UBE2J2: variants seen among roughly 807,000 people sequenced by gnomAD.
UBE2J2 encodes the protein ubiquitin-conjugating enzyme E2 J2.
Under a neutral mutation model 28.6 loss-of-function variants are expected in UBE2J2, and 5 were observed. The ratio of observed to expected loss-of-function variants is 0.17; its 90% CI spans 0.09 to 0.37. UBE2J2 has a LOEUF of 0.37. Ranked by LOEUF, UBE2J2 falls within the 10% of genes least tolerant of loss-of-function variation. The pLI, the probability that UBE2J2 is intolerant of heterozygous loss-of-function variation, is 1.00. For synonymous variants in UBE2J2, 138 were observed against 139.7 expected (o/e 0.99, Z 0.09); for missense variants, 226 against 338.9 (o/e 0.67, Z 2.62).
intron 3 of UBE2J2, among the ~76,000 whole-genome samples, chr1:1,258,444 C>A (rs1639339640): frequency 6.6e-6 from 1 of 152,078 alleles, no homozygotes; most frequent in Admixed American, 6.5e-5. Flanking sequence ...CACTCCCCAC[C>A]CCCTCTTCCC....
Position 1,267,884 on chromosome 1 carries a change from G to A in UBE2J2, c.109C>T (p.Leu37Phe), listed in dbSNP as rs1395665257. The A allele has an allele frequency of 6.2e-7, 1 of 1,614,104 alleles. No homozygotes were observed. Among genetic ancestry groups the A allele is most frequent in the Non-Finnish European group, 8.5e-7 (1 of 1,179,968 alleles). The change falls in exon 2 of 7, where the codon CTC becomes TTC. Residue 37 changes from leucine to phenylalanine, a missense_variant. Physicochemically the swap from Leu to Phe is conservative, Grantham distance 22 (BLOSUM62 0). Around this residue, in one of 3 missense-constraint regions of UBE2J2, gnomAD observed 80 missense variants for 114.5 expected, o/e 0.70. Transcript: ENST00000349431. ...DPVPYICAEPLPSNILEWHYV... is the reference protein window; with the variant it reads ...DPVPYICAEPFPSNILEWHYV... ...TACCACTCGAGAATATTCGAAGGGA[G>A]GGGCTCGGCACAGATGTAAGGCACC... is the stretch of plus-strand genomic sequence containing the variant.
chr1:1,259,738 C>T (rs1639443868), intron 3 of UBE2J2, among the ~76,000 whole-genome samples: 1 of 152,198 alleles, frequency 6.6e-6, no homozygotes, highest in Non-Finnish European at 1.5e-5. Context: ...GACCCCACGC[C>T]CCACATGGAC....
intron 2 of UBE2J2, among the ~76,000 whole-genome samples, chr1:1,266,684 G>A (rs1322812454): frequency 6.6e-5 from 10 of 151,344 alleles, no homozygotes; most frequent in Admixed American, 2.6e-4. Context: ...AAAATTAGCC[G>A]GGCATGGTGG....
chr1:1,263,397 G>A lies in UBE2J2; in HGVS notation c.132-11C>T, dbSNP rs1639673400. On this transcript the variant is annotated splice_polypyrimidine_tract_variant and intron_variant, in intron 2 of 6. Coordinates refer to ENST00000349431, the MANE Select transcript of UBE2J2 (RefSeq NM_058167.3). ...CGGACGACATAGTGCCTAAGGGAGA[G>A]AAGAAAATTACTTGGGATTTGAGGA... is the stretch of plus-strand genomic sequence containing the variant. The A allele has an allele frequency of 5.0e-6, 8 of 1,611,936 alleles. No homozygotes were observed. The highest frequency in any genetic ancestry group is 2.7e-5 in the African/African-American group (2 of 74,940).
chr1:1,265,780 G>C (rs1319409120), intron 2 of UBE2J2, among the ~76,000 whole-genome samples: 1 of 151,972 alleles, frequency 6.6e-6, no homozygotes, highest in African/African-American at 2.4e-5. Context: ...GATTACAGGC[G>C]TGCGCCACCA....
rs1488725862 is a variant in UBE2J2 at position 1,259,126 on chromosome 1, C to T, written c.173-1816G>A. On this transcript the variant is annotated intron_variant, in intron 3 of 6. Coordinates refer to ENST00000349431, the MANE Select transcript of UBE2J2 (RefSeq NM_058167.3). ...TGTGTGTGCATGCCATCAGGACGCACGTGTGTGCATGCCATCAGGACGCGT... is the reference window on the plus strand; with the variant it reads ...TGTGTGTGCATGCCATCAGGACGCATGTGTGTGCATGCCATCAGGACGCGT... Among the ~76,000 whole-genome samples, 5 of 125,764 alleles carry T rather than the reference C, an allele frequency of 4.0e-5. No individual in the cohort carries two copies. The East Asian group carries it at 6.6e-4, about 17-fold the overall frequency. The allele number at this position is 125,764 out of a possible 152,430, so 82.5% of individuals were successfully genotyped here.
In UBE2J2 at chr1:1,260,964, G is replaced by A. The variant is rs939299703; in HGVS notation, c.172+2382C>T. On this transcript the variant is annotated intron_variant, in intron 3 of 6. Coordinates refer to ENST00000349431, the MANE Select transcript of UBE2J2 (RefSeq NM_058167.3). ...AGCTCTGAACTGTCAGAGTGGGCACGCCTGGGCAGCACCAGGGGCAGAACA... is the reference window on the plus strand; with the variant it reads ...AGCTCTGAACTGTCAGAGTGGGCACACCTGGGCAGCACCAGGGGCAGAACA... 3.3e-5 allele frequency among the ~76,000 whole-genome samples: 5 copies of A among 152,358 alleles called. No individual in the cohort carries two copies. The South Asian group carries it at 8.3e-4, about 25-fold the overall frequency.
At chr1:1,262,363 A>T (rs750185234) in intron 3 of UBE2J2, 1 of 455,982 alleles carries the variant, frequency 2.2e-6, no homozygotes, top group South Asian at 1.5e-5. Context: ...TGGCTGCCCT[A>T]GTTGCAGATG....
intron 2 of UBE2J2, among the ~76,000 whole-genome samples, chr1:1,263,975 A>G (rs1040553793): frequency 6.6e-6 from 1 of 152,232 alleles, no homozygotes; most frequent in Admixed American, 6.5e-5. Flanking sequence ...TGGGCAACAG[A>G]GTGAGACCCT....
Position 1,257,255 on chromosome 1 carries a change from G to A in UBE2J2, c.228C>T (p.Pro76=), listed in dbSNP as rs760884196. The A allele has an allele frequency of 2.5e-6, 4 of 1,613,100 alleles. No individual in the cohort carries two copies. Among genetic ancestry groups the A allele is most frequent in the Non-Finnish European group, 2.5e-6 (3 of 1,179,682 alleles). ...CGTTGGGAGTGATCATATAGATACT[G>A]GGAGGTTTGAAAGGAAATTCTCTGG... ...IFPREFPFKP[P]SIYMITPNGR... Residue 76 remains proline (P), a synonymous_variant, in exon 4 of 7, where the codon CCC becomes CCT. Coordinates refer to ENST00000349431, the MANE Select transcript of UBE2J2 (RefSeq NM_058167.3).
intron 3 of UBE2J2, among the ~76,000 whole-genome samples, chr1:1,259,367 C>T (rs868432773): frequency 5.9e-5 from 9 of 151,880 alleles, no homozygotes; most frequent in Non-Finnish European, 1.0e-4. Flanking sequence ...CACGTGCATG[C>T]GTGTGTATGC....
intron 3 of UBE2J2, among the ~76,000 whole-genome samples, chr1:1,258,398 C>A (rs992842426): frequency 1.5e-4 from 23 of 152,166 alleles, no homozygotes; most frequent in African/African-American, 5.6e-4. Flanking sequence ...ACTCCTGGCT[C>A]CGCCTCTCCA....
chr1:1,260,016 C>T (rs1386297897), intron 3 of UBE2J2, among the ~76,000 whole-genome samples: 1 of 152,166 alleles, frequency 6.6e-6, no homozygotes, highest in Non-Finnish European at 1.5e-5. Context: ...TAAATGAAAA[C>T]ACGGCTTCAC....
At chr1:1,271,358 T>C (rs1002192402) in intron 1 of UBE2J2, among the ~76,000 whole-genome samples, 13 of 152,238 alleles carry the variant, frequency 8.5e-5, no homozygotes, top group Non-Finnish European at 1.8e-4. Flanking sequence ...CACTCTGCCA[T>C]ATACAAAATA....
At position 1,257,094 on chromosome 1, in the gene UBE2J2, C is replaced by G. The variant is rs759104721; in HGVS notation, c.312G>C (p.Thr104=). 1.2e-6 allele frequency: 2 copies of G among 1,612,956 alleles called. No homozygotes were observed. The highest frequency in any genetic ancestry group is 1.1e-5 in the South Asian group (1 of 91,006). The change falls in exon 5 of 7, where the codon ACG becomes ACC. Residue 104 remains threonine, a synonymous_variant. Transcript: ENST00000349431. Reference sequence around the variant, plus strand: ...TGGAGACAGACCAGGCCGGGTTCCACGTGTCCGGGTGGAAATCCGTGATAG... The same window carrying G: ...TGGAGACAGACCAGGCCGGGTTCCAGGTGTCCGGGTGGAAATCCGTGATAG... ...CLSITDFHPD[T]WNPAWSVSTI...
rs199552671 is a variant in UBE2J2, at chr1:1,257,342, C to A, written c.173-32G>T. 16 of 1,416,530 alleles carry A rather than the reference C, an allele frequency of 1.1e-5. No homozygotes were observed. The East Asian group carries it at 2.8e-4, about 25-fold the overall frequency. The allele number at this position is 1,416,530 out of a possible 1,614,324, so 87.7% of individuals were successfully genotyped here. ...GGAAACAAAACAGAAAGGGCCTTGTCGTCCGCCACAGCAGGGGCTCCTGGA... is the reference window on the plus strand; with the variant it reads ...GGAAACAAAACAGAAAGGGCCTTGTAGTCCGCCACAGCAGGGGCTCCTGGA... On this transcript the variant is annotated intron_variant, in intron 3 of 6. Transcript: ENST00000349431.
intron 3 of UBE2J2, 112 bp from the exon 4 acceptor site, chr1:1,257,422 C>T (rs565581795): frequency 2.5e-5 from 16 of 640,262 alleles, no homozygotes; most frequent in African/African-American, 8.6e-5. Context: ...GCTCGGCTCC[C>T]GAGTCCTCAT....
rs1305777795 is a variant in UBE2J2 at position 1,273,805 on chromosome 1, G to A, written c.-140C>T. ...TTGGGCCCACCGAACCCGCCGCAGC[G>A]CCGCCGCCGCCGCCTCAGCCTCCAA... On this transcript the variant is annotated 5_prime_UTR_variant, in exon 1 of 7. Coordinates refer to ENST00000349431, the MANE Select transcript of UBE2J2 (RefSeq NM_058167.3). The A allele has an allele frequency of 2.0e-5, 3 of 153,482 alleles. No homozygotes were observed. Among genetic ancestry groups the A allele is most frequent in the Non-Finnish European group, 4.4e-5 (3 of 68,586 alleles). The allele number at this position is 153,482 out of a possible 1,614,324, so 9.5% of individuals were successfully genotyped here. A position where few individuals can be genotyped will look rare whatever the true frequency, so the allele number is the denominator to read the frequency against.
intron 5 of UBE2J2, 132 bp from the exon 6 acceptor site, chr1:1,256,257 C>G (rs1350253306): frequency 2.0e-5 from 13 of 635,920 alleles, no homozygotes; most frequent in Non-Finnish European, 3.6e-5. Context: ...ACACTCTTCA[C>G]AGCAAACTAA....
Sources: gnomAD v4.1 joint callset for allele counts (sites outside exome capture counted in the v4.1 genomes callset) on GRCh38, gnomAD v4.1.1 for gene constraint, gnomAD v4.1.1 regional missense constraint, MANE v1.5 for transcripts, NCBI Gene and HGNC (gene_info 2026-07-23, HGNC 2026-07-21) for gene names.